THAP12: variants seen among roughly 807,000 people sequenced by gnomAD.
THAP12 encodes the protein THAP domain containing 12.
In THAP12, 20 loss-of-function variants were observed where a neutral mutation model predicts 63.0. That is an observed-to-expected ratio of 0.32 (90% CI 0.22 to 0.46). THAP12 has a LOEUF of 0.46. THAP12 is among the 20% of genes least tolerant of loss of function. The probability of loss-of-function intolerance (pLI) is 1.00; values close to 1 mark genes in which losing one functional copy is unlikely to be tolerated. For missense variants in THAP12, 568 were observed against 908.2 expected (o/e 0.63, Z 4.81); for synonymous variants, 264 against 328.4 (o/e 0.80, Z 2.12).
chr11:76,352,285 G>A lies in THAP12; in HGVS notation c.865C>T (p.Leu289=). 6.2e-7 allele frequency: 1 copy of A among 1,611,816 alleles called. No homozygotes were observed. Among genetic ancestry groups the A allele is most frequent in the Non-Finnish European group, 8.5e-7 (1 of 1,179,806 alleles). ...AGGAAGCCTATAAATTCCTCTCTTAGGTTATGAGATTCATCAACAAACCTC... is the reference window on the plus strand; with the variant it reads ...AGGAAGCCTATAAATTCCTCTCTTAAGTTATGAGATTCATCAACAAACCTC... ...LVRFVDESHN[L]REEFIGFLPY... Residue 289 remains leucine (L), a synonymous_variant, in exon 5 of 5, where the codon CTA becomes TTA. Transcript: ENST00000260045.
chr11:76,361,702 C>T (rs144071305), intron 2 of THAP12, among the ~76,000 whole-genome samples: 147 of 152,314 alleles, frequency 9.7e-4, no homozygotes, highest in African/African-American at 3.4e-3. Flanking sequence ...CAATGCTTGC[C>T]ATTTCAGTTA....
At chr11:76,364,386 A>C (rs1423969032) in intron 2 of THAP12, 1 of 439,700 alleles carries the variant, frequency 2.3e-6, no homozygotes, top group East Asian at 7.4e-5. Flanking sequence ...TGAGAAATAA[A>C]ATAACCCAAT....
intron 2 of THAP12, among the ~76,000 whole-genome samples, chr11:76,365,541 A>G (rs1165467251): frequency 6.6e-6 from 1 of 151,678 alleles, no homozygotes; most frequent in Non-Finnish European, 1.5e-5. Context: ...ACGTCACCAC[A>G]CCTCGCTAGT....
At chr11:76,368,915 A>G (rs1946651274) in intron 1 of THAP12, among the ~76,000 whole-genome samples, 1 of 152,238 alleles carries the variant, frequency 6.6e-6, no homozygotes, top group Non-Finnish European at 1.5e-5. Context: ...AGGCTACTTT[A>G]AAGTTAATAA....
At chr11:76,377,314 A>G (rs984135176) in intron 1 of THAP12, among the ~76,000 whole-genome samples, 5 of 152,222 alleles carry the variant, frequency 3.3e-5, no homozygotes, top group Admixed American at 1.3e-4. Flanking sequence ...TAACACATTC[A>G]TCATGTTCTG....
At chr11:76,354,451 A>AT (rs573609265) in intron 4 of THAP12, among the ~76,000 whole-genome samples, 73 of 152,198 alleles carry the variant, frequency 4.8e-4, no homozygotes, top group African/African-American at 1.6e-3. Context: ...TCTTGCTTTT[A>AT]TTTTTTTCAA....
In THAP12 at chr11:76,351,495, A is replaced by C. The variant is rs1946526583; in HGVS notation, c.1655T>G (p.Leu552Arg). ...LATKLDIQMKLPGKFRRAHQG... is the reference protein window; with the variant it reads ...LATKLDIQMKRPGKFRRAHQG... ...GTGAGCTCTGCGGAATTTCCCAGGG[A>C]GTTTCATTTGAATATCAAGTTTGGT... The change falls in exon 5 of 5, where the codon CTC (leucine) becomes CGC (arginine). Residue 552 changes from leucine (L) to arginine (R), a missense_variant. By Grantham distance (102) the Leu-to-Arg change is moderately radical. Coordinates refer to ENST00000260045, the MANE Select transcript of THAP12 (RefSeq NM_004705.4). 6.4e-7 allele frequency: 1 copy of C among 1,560,236 alleles called. No homozygotes were observed. Among genetic ancestry groups the C allele is most frequent in the African/African-American group, 1.4e-5 (1 of 73,010 alleles).
intron 2 of THAP12, 37 bp from the exon 3 acceptor site, chr11:76,361,100 T>TC: frequency 1.5e-6 from 2 of 1,327,840 alleles, no homozygotes. Context: ...GAGATGGTCC[T>TC]TATAAATATA....
At chr11:76,359,870 T>C (rs1339004372) in intron 3 of THAP12, among the ~76,000 whole-genome samples, 1 of 151,006 alleles carries the variant, frequency 6.6e-6, no homozygotes, top group Non-Finnish European at 1.5e-5. Context: ...GGTCCACAAA[T>C]AGTTAAGAAA....
Position 76,372,614 on chromosome 11 carries a change from G to A in THAP12, c.90-6642C>T, listed in dbSNP as rs565888206. 4.6e-5 allele frequency among the ~76,000 whole-genome samples: 7 copies of A among 151,024 alleles called. No homozygotes were observed. The South Asian group carries it at 1.3e-3, about 27-fold the overall frequency. On this transcript the variant is annotated intron_variant, in intron 1 of 4. Coordinates refer to ENST00000260045, the MANE Select transcript of THAP12 (RefSeq NM_004705.4). ...TAAAAAAAAAAAAAAAAAAGGGACCGGGCATGGTGGCTCATAATACCAGCA... is the reference window on the plus strand; with the variant it reads ...TAAAAAAAAAAAAAAAAAAGGGACCAGGCATGGTGGCTCATAATACCAGCA...
intron 1 of THAP12, among the ~76,000 whole-genome samples, chr11:76,374,752 T>C (rs181917221): frequency 1.3e-5 from 2 of 152,380 alleles, no homozygotes; most frequent in East Asian, 3.9e-4. Flanking sequence ...TCTGACATTG[T>C]GGACTCCCTG....
intron 2 of THAP12, among the ~76,000 whole-genome samples, chr11:76,362,341 G>C (rs576416259): frequency 6.6e-6 from 1 of 152,348 alleles, no homozygotes; most frequent in East Asian, 1.9e-4. Flanking sequence ...CCAAGGAAGG[G>C]AGGTTGGGAA....
chr11:76,363,483 AC>A (rs371938867), intron 2 of THAP12, among the ~76,000 whole-genome samples: 53 of 152,292 alleles, frequency 3.5e-4, no homozygotes, highest in African/African-American at 1.2e-3. Context: ...AGCTGGGACT[AC>A]AGACACGTGC....
intron 1 of THAP12, among the ~76,000 whole-genome samples, chr11:76,368,952 A>G (rs529908185): frequency 1.3e-5 from 2 of 152,362 alleles, no homozygotes; most frequent in South Asian, 4.1e-4. Context: ...GAAGCCATTT[A>G]AGAGTGAAAT....
At chr11:76,361,859 T>C (rs567207858) in intron 2 of THAP12, among the ~76,000 whole-genome samples, 1 of 152,352 alleles carries the variant, frequency 6.6e-6, no homozygotes, top group South Asian at 2.1e-4. Flanking sequence ...ACAAAACTTC[T>C]AAAATAAAAA....
intron 1 of THAP12, among the ~76,000 whole-genome samples, chr11:76,380,081 A>G (rs970284453): frequency 3.9e-5 from 6 of 152,162 alleles, no homozygotes; most frequent in African/African-American, 1.4e-4. Flanking sequence ...CACAGTCCCT[A>G]TGCTATCATT....
At position 76,352,790 on chromosome 11, in the gene THAP12, A is replaced by C; in HGVS notation, c.360T>G (p.Asp120Glu). 6.6e-7 allele frequency: 1 copy of C among 1,509,956 alleles called. No individual in the cohort carries two copies. The allele number at this position is 1,509,956 out of a possible 1,614,324, so 93.5% of individuals were successfully genotyped here. The change falls in exon 5 of 5, where the codon GAT becomes GAG. Residue 120 changes from aspartate to glutamate, a missense_variant. Coordinates refer to ENST00000260045, the MANE Select transcript of THAP12 (RefSeq NM_004705.4). ...EIRTLKQKKI[D>E]ETSEQEQKHK... Reference sequence around the variant, plus strand: ...GTTTTTGTTCCTGCTCAGAAGTTTCATCAACTGGAAAACAAAGAATTAATT... The same window carrying C: ...GTTTTTGTTCCTGCTCAGAAGTTTCCTCAACTGGAAAACAAAGAATTAATT...
intron 1 of THAP12, among the ~76,000 whole-genome samples, chr11:76,375,390 CTTT>C (rs533659659): frequency 1.1e-4 from 14 of 132,872 alleles, no homozygotes; most frequent in Admixed American, 3.1e-4. Flanking sequence ...AAGACTTAGG[CTTT>C]TTTTTTTTTT....
chr11:76,361,004 A>G lies in THAP12; in HGVS notation c.270T>C (p.Ser90=). Residue 90 remains serine (S), a synonymous_variant, in exon 3 of 5, where the codon AGT becomes AGC. Coordinates refer to ENST00000260045, the MANE Select transcript of THAP12 (RefSeq NM_004705.4). Reference sequence around the variant, plus strand: ...GTCTACTATGTGGGTTGTTCAAATGACTGGTAAGATCAAATATTGTTGGTA... The same window carrying G: ...GTCTACTATGTGGGTTGTTCAAATGGCTGGTAAGATCAAATATTGTTGGTA... ...NAIPTIFDLT[S]HLNNPHSRHR... 1 of 1,611,044 alleles carries G rather than the reference A, an allele frequency of 6.2e-7. No homozygotes were observed. Among genetic ancestry groups the G allele is most frequent in the Non-Finnish European group, 8.5e-7 (1 of 1,178,998 alleles).
Sources: allele counts gnomAD v4.1 joint callset (sites outside exome capture counted in the v4.1 genomes callset), GRCh38; gene constraint gnomAD v4.1.1; transcripts MANE v1.5; gene names NCBI Gene and HGNC (gene_info 2026-07-23, HGNC 2026-07-21).